The following RANBP2 variants were observed in gnomAD, a reference collection of about 807,000 sequenced individuals.
The protein encoded by RANBP2 is RAN binding protein 2.
In RANBP2, 57 loss-of-function variants were observed where a neutral mutation model predicts 303.6. That is an observed-to-expected ratio of 0.19 (90% CI 0.15 to 0.23). The LOEUF is 0.23. Ranked by LOEUF, RANBP2 falls within the 10% of genes least tolerant of loss-of-function variation. The pLI, the probability that RANBP2 is intolerant of heterozygous loss-of-function variation, is 1.00. For missense variants in RANBP2, 3,138 were observed against 3,780.8 expected, an observed-to-expected ratio of 0.83 and a Z score of 4.46; for synonymous variants, 1,167 against 1,301.5, an observed-to-expected ratio of 0.90 and a Z score of 2.23.
chr2:108,890,557 G>C, the RANBP2 span, among the ~76,000 whole-genome samples: 1 of 152,068 alleles, frequency 6.6e-6, no homozygotes, highest in East Asian at 1.9e-4. Context: ...GGGTTTTCTT[G>C]ATAGGTAACT....
the RANBP2 span, among the ~76,000 whole-genome samples, chr2:108,938,905 G>A: frequency 2.1e-5 from 3 of 142,568 alleles, no homozygotes; most frequent in East Asian, 2.1e-4. Flanking sequence ...TCAGCCTCTC[G>A]AGTAGCTGCG....
chr2:108,958,869 GA>G, the RANBP2 span, among the ~76,000 whole-genome samples: 1 of 145,490 alleles, frequency 6.9e-6, no homozygotes, highest in African/African-American at 2.7e-5. Context: ...GGCTGGCTGG[GA>G]AAAGGCACCA....
At chr2:109,336,208 G>A in the RANBP2 span, among the ~76,000 whole-genome samples, 1 of 152,224 alleles carries the variant, frequency 6.6e-6, no homozygotes, top group African/African-American at 2.4e-5. Flanking sequence ...AAGCTGGCCT[G>A]CAGGAGAAGG....
At chr2:108,946,284 C>T in the RANBP2 span, among the ~76,000 whole-genome samples, 11 of 152,324 alleles carry the variant, frequency 7.2e-5, no homozygotes, top group African/African-American at 1.7e-4. Flanking sequence ...TCAGTACCTA[C>T]GGGTGACAGT....
chr2:109,622,250 T>A, the RANBP2 span, among the ~76,000 whole-genome samples: 1 of 152,210 alleles, frequency 6.6e-6, no homozygotes, highest in Non-Finnish European at 1.5e-5. Context: ...AAGCTAGTTC[T>A]TAGCAGTTCA....
the RANBP2 span, among the ~76,000 whole-genome samples, chr2:108,894,318 A>G: frequency 6.6e-6 from 1 of 152,086 alleles, no homozygotes; most frequent in Non-Finnish European, 1.5e-5. Context: ...AGGCCATAAC[A>G]TTTTAGGCAC....
chr2:109,457,756 C>T, the RANBP2 span, among the ~76,000 whole-genome samples: 1 of 152,266 alleles, frequency 6.6e-6, no homozygotes, highest in South Asian at 2.1e-4. Flanking sequence ...GGATTTTTTT[C>T]CAGCCGTCCA....
intron 4 of RANBP2, among the ~76,000 whole-genome samples, chr2:108,733,512 A>G (rs1033231904): frequency 3.9e-5 from 6 of 152,192 alleles, no homozygotes; most frequent in African/African-American, 1.4e-4. Context: ...AATCAAGTAC[A>G]GATTTTTGAA....
chr2:108,916,264 G>C, the RANBP2 span, among the ~76,000 whole-genome samples: 1 of 152,174 alleles, frequency 6.6e-6, no homozygotes, highest in Non-Finnish European at 1.5e-5. Context: ...AACAGCCGTG[G>C]GCTGTCTGTG....
At chr2:108,923,768 G>A in the RANBP2 span, among the ~76,000 whole-genome samples, 1 of 152,184 alleles carries the variant, frequency 6.6e-6, no homozygotes, top group Non-Finnish European at 1.5e-5. Context: ...ATATCCCTGT[G>A]CCCCCACATG....
At chr2:109,460,273 A>G in the RANBP2 span, among the ~76,000 whole-genome samples, 3 of 152,100 alleles carry the variant, frequency 2.0e-5, no homozygotes, top group African/African-American at 7.2e-5. Flanking sequence ...AATAGTATCC[A>G]TTCCAGGAAG....
chr2:109,150,461 C>G, the RANBP2 span, among the ~76,000 whole-genome samples: 1 of 152,184 alleles, frequency 6.6e-6, no homozygotes, highest in African/African-American at 2.4e-5. Context: ...AAAACAATTT[C>G]TTAGAAAAAT....
chr2:109,674,243 C>T, the RANBP2 span, among the ~76,000 whole-genome samples: 8 of 151,600 alleles, frequency 5.3e-5, no homozygotes, highest in Non-Finnish European at 1.2e-4. Context: ...TTAACAACCC[C>T]CCCCCAAAAT....
At chr2:109,629,197 G>A in the RANBP2 span, among the ~76,000 whole-genome samples, 2 of 41,838 alleles carry the variant, frequency 4.8e-5, no homozygotes, top group East Asian at 4.5e-4. Context: ...GCAAGACTCC[G>A]TCTCAAAAAT....
chr2:109,645,697 A>C, the RANBP2 span, among the ~76,000 whole-genome samples: 1 of 152,030 alleles, frequency 6.6e-6, no homozygotes, highest in Non-Finnish European at 1.5e-5. Context: ...ATGTGGACAA[A>C]CCTCTTTCTG....
the RANBP2 span, among the ~76,000 whole-genome samples, chr2:109,273,373 A>G: frequency 6.6e-6 from 1 of 152,210 alleles, no homozygotes; most frequent in African/African-American, 2.4e-5. Flanking sequence ...TTGAGCCTTA[A>G]CGCATGGATG....
chr2:109,628,387 C>T, the RANBP2 span, among the ~76,000 whole-genome samples: 3 of 151,820 alleles, frequency 2.0e-5, no homozygotes, highest in Non-Finnish European at 4.4e-5. Flanking sequence ...CTAGCTACTC[C>T]GGAGGCTGAG....
the RANBP2 span, among the ~76,000 whole-genome samples, chr2:109,714,450 C>T: frequency 3.3e-5 from 5 of 151,350 alleles, no homozygotes; most frequent in African/African-American, 9.7e-5. Flanking sequence ...TACAGGCATG[C>T]ACCACCACGC....
chr2:109,645,698 C>A, the RANBP2 span, among the ~76,000 whole-genome samples: 1 of 152,154 alleles, frequency 6.6e-6, no homozygotes, highest in Non-Finnish European at 1.5e-5. Context: ...TGTGGACAAA[C>A]CTCTTTCTGC....
Sources: allele counts gnomAD v4.1 joint callset (sites outside exome capture counted in the v4.1 genomes callset), GRCh38; gene constraint gnomAD v4.1.1; transcripts MANE v1.5; gene names NCBI Gene and HGNC (gene_info 2026-07-23, HGNC 2026-07-21).